Variants in MDM1 observed in about 807,000 individuals in gnomAD.
MDM1 encodes the protein stabilizer of axonemal microtubules 6.
In MDM1, 61 loss-of-function variants were observed where a neutral mutation model predicts 89.1. The observed-to-expected ratio is 0.68, with a 90% confidence interval of 0.56 to 0.85. The LOEUF (loss-of-function observed/expected upper bound fraction) is 0.85, where lower values mean the gene tolerates loss of function less well. MDM1 is among the 40% of genes least tolerant of loss of function. The pLI is 0.00. For synonymous variants in MDM1, 290 were observed against 294.1 expected (o/e 0.99, Z 0.14); for missense variants, 820 against 846.5 (o/e 0.97, Z 0.39).
In MDM1 at chr12:68,314,389, C is replaced by T. The variant is rs74764023; in HGVS notation, c.1529+559G>A. ...GGGAAAATCACTGCCAAGTCAGCAC[C>T]GGCACAGCAGAGAATCCTTCCTCAC... On this transcript the variant is annotated intron_variant, in intron 10 of 14. Coordinates refer to ENST00000682720, the MANE Select transcript of MDM1 (RefSeq NM_001354969.2). Among the ~76,000 whole-genome samples, 1,020 of 152,166 alleles carry T rather than the reference C, an allele frequency of 6.7e-3. 8 individuals are homozygous for T. Among genetic ancestry groups the T allele is most frequent in the East Asian group, 0.022 (115 of 5,180 alleles).
intron 1 of MDM1, among the ~76,000 whole-genome samples, chr12:68,331,574 A>G (rs1227014748): frequency 6.6e-6 from 1 of 152,176 alleles, no homozygotes; most frequent in African/African-American, 2.4e-5. Flanking sequence ...CACCGAGTAC[A>G]CAATATTATG....
Position 68,302,560 on chromosome 12 carries a change from T to C in MDM1, c.2002+60A>G. The C allele has an allele frequency of 7.2e-7, 1 of 1,394,890 alleles. No homozygotes were observed. The highest frequency in any genetic ancestry group is 1.5e-5 in the African/African-American group (1 of 68,584). 86.4% of individuals were successfully genotyped at this position (1,394,890 alleles called of 1,614,324 possible). A position where few individuals can be genotyped will look rare whatever the true frequency, so the allele number is the denominator to read the frequency against. ...TAACATAAAATGCATTCTTAGACTTTGTACCTATCAGCATAACACTTTATT... is the reference window on the plus strand; with the variant it reads ...TAACATAAAATGCATTCTTAGACTTCGTACCTATCAGCATAACACTTTATT... On this transcript the variant is annotated intron_variant, in intron 13 of 14. Coordinates refer to ENST00000682720, the MANE Select transcript of MDM1 (RefSeq NM_001354969.2).
intron 7 of MDM1, among the ~76,000 whole-genome samples, chr12:68,320,180 T>G (rs577168476): frequency 2.4e-4 from 37 of 152,360 alleles, no homozygotes; most frequent in African/African-American, 7.7e-4. Context: ...AGGGAGATCT[T>G]TGCCAAGACT....
chr12:68,324,137 TAAAG>T (rs895859183), intron 4 of MDM1, among the ~76,000 whole-genome samples: 8 of 152,252 alleles, frequency 5.3e-5, no homozygotes, highest in African/African-American at 1.7e-4. Context: ...AAACACTTAT[TAAAG>T]AAAGCAGTAA....
intron 12 of MDM1, among the ~76,000 whole-genome samples, chr12:68,304,449 G>A (rs916710114): frequency 4.6e-5 from 7 of 152,158 alleles, no homozygotes; most frequent in African/African-American, 7.2e-5. Flanking sequence ...GCTTCAAACT[G>A]GCCTAGGGCT....
In MDM1 at chr12:68,313,675, C is replaced by T; in HGVS notation, c.1608G>A (p.Arg536=). 2 of 1,614,108 alleles carry T rather than the reference C, an allele frequency of 1.2e-6. No individual in the cohort carries two copies. The highest frequency in any genetic ancestry group is 1.7e-6 in the Non-Finnish European group (2 of 1,180,006). Residue 536 remains arginine, a synonymous_variant, in exon 11 of 15, where the codon AGG becomes AGA. Coordinates refer to ENST00000682720, the MANE Select transcript of MDM1 (RefSeq NM_001354969.2). ...PKLRELGGIQ[R]THHDLTTPAV... ...CTGGAGTAGTGAGATCATGATGAGT[C>T]CTCTGGATTCCACCAAGTTCTCTCA...
At chr12:68,331,078 T>G (rs1876730352) in intron 2 of MDM1, 29 bp downstream of exon 2, 1 of 1,291,058 alleles carries the variant, frequency 7.7e-7, no homozygotes, top group Admixed American at 1.7e-5. Flanking sequence ...TAGCCCAGGT[T>G]AGAATGGCTA....
chr12:68,309,141 CG>C (rs1873343973), intron 12 of MDM1, among the ~76,000 whole-genome samples: 1 of 152,164 alleles, frequency 6.6e-6, no homozygotes, highest in South Asian at 2.1e-4. Flanking sequence ...CTTGAGATAA[CG>C]AAAGAAATCC....
At chr12:68,326,427 T>C (rs1465139715) in intron 3 of MDM1, 4 of 1,454,098 alleles carry the variant, frequency 2.8e-6, no homozygotes, top group Non-Finnish European at 2.7e-6. Context: ...AGGAGGTCCA[T>C]CCAATAAACA....
intron 8 of MDM1, 116 bp from the exon 9 acceptor site, chr12:68,316,369 G>T: frequency 1.7e-6 from 2 of 1,173,746 alleles, no homozygotes; most frequent in Non-Finnish European, 2.4e-6. Context: ...ACAAAGGAAG[G>T]CAAAATTAGC....
At chr12:68,319,547 C>G (rs1018083019) in intron 7 of MDM1, among the ~76,000 whole-genome samples, 1 of 152,120 alleles carries the variant, frequency 6.6e-6, no homozygotes, top group Non-Finnish European at 1.5e-5. Flanking sequence ...ACCTCATAAT[C>G]AGATGCCTAT....
chr12:68,311,841 T>C (rs1226991396), intron 12 of MDM1, among the ~76,000 whole-genome samples: 2 of 152,236 alleles, frequency 1.3e-5, no homozygotes, highest in Admixed American at 6.5e-5. Flanking sequence ...TTGAATTCAC[T>C]TGCACTTAGG....
chr12:68,331,546 A>T (rs186121981), intron 1 of MDM1, among the ~76,000 whole-genome samples: 46 of 152,330 alleles, frequency 3.0e-4, no homozygotes, highest in Middle Eastern at 3.4e-3. Flanking sequence ...TCATCATTCT[A>T]GATTTATCGC....
At chr12:68,295,798 A>C (rs2043829698) in intron 14 of MDM1, among the ~76,000 whole-genome samples, 1 of 152,228 alleles carries the variant, frequency 6.6e-6, no homozygotes, top group Non-Finnish European at 1.5e-5. Context: ...ACATTTCTAA[A>C]ATAATCTCAC....
In MDM1 at chr12:68,327,025, C is replaced by T. The variant is rs1876101685; in HGVS notation, c.134-4G>A. ...AAACTTGGCTCTTTCGTGATGCCTA[C>T]AAAACACGGTATACAAAAATAGTAG... On this transcript the variant is annotated splice_region_variant and splice_polypyrimidine_tract_variant and intron_variant, in intron 2 of 14. Coordinates refer to ENST00000682720, the MANE Select transcript of MDM1 (RefSeq NM_001354969.2). The T allele has an allele frequency of 1.3e-6, 2 of 1,576,252 alleles. No individual in the cohort carries two copies. The highest frequency in any genetic ancestry group is 2.2e-5 in the East Asian group (1 of 44,574).
At position 68,321,451 on chromosome 12, in the gene MDM1, T is replaced by C. The variant is rs369949076; in HGVS notation, c.906-5A>G. ...CTATATTCGGAATTCACCTTCCTAA[T>C]AGAAATGAAATGAAAGTAAATATTT... On this transcript the variant is annotated splice_polypyrimidine_tract_variant and splice_region_variant and intron_variant, in intron 6 of 14. Transcript: ENST00000682720. 124 of 1,612,530 alleles carry C rather than the reference T, an allele frequency of 7.7e-5. No homozygotes were observed. The highest frequency in any genetic ancestry group is 2.8e-5 in the Non-Finnish European group (33 of 1,179,188).
intron 12 of MDM1, among the ~76,000 whole-genome samples, chr12:68,313,148 T>C (rs1592967628): frequency 6.6e-6 from 1 of 152,204 alleles, no homozygotes; most frequent in East Asian, 1.9e-4. Context: ...CTTAAAACAA[T>C]GCCTGGAACA....
intron 7 of MDM1, 191 bp downstream of exon 7, chr12:68,321,156 G>T: frequency 2.5e-6 from 1 of 404,292 alleles, no homozygotes; most frequent in Non-Finnish European, 4.3e-6. Flanking sequence ...ATTAATTTCT[G>T]AAGAGCCAGT....
rs1871210797 is a variant in MDM1 at position 68,295,210 on chromosome 12, A to G, written c.*44T>C. 7.5e-7 allele frequency: 1 copy of G among 1,341,840 alleles called. No homozygotes were observed. The highest frequency in any genetic ancestry group is 1.0e-6 in the Non-Finnish European group (1 of 963,454). The allele number at this position is 1,341,840 out of a possible 1,614,324, so 83.1% of individuals were successfully genotyped here. A position where few individuals can be genotyped will look rare whatever the true frequency, so the allele number is the denominator to read the frequency against. On this transcript the variant is annotated 3_prime_UTR_variant, in exon 15 of 15. Transcript: ENST00000682720. ...TTTTAACACAGTAAGCAATAAAGAAAAATTATGCCAATGTTTCCTTAGATA... is the reference window on the plus strand; with the variant it reads ...TTTTAACACAGTAAGCAATAAAGAAGAATTATGCCAATGTTTCCTTAGATA...
Sources: allele counts gnomAD v4.1 joint callset (sites outside exome capture counted in the v4.1 genomes callset), GRCh38; gene constraint gnomAD v4.1.1; transcripts MANE v1.5; gene names NCBI Gene and HGNC (gene_info 2026-07-23, HGNC 2026-07-21).